The following SLC35F4 variants were observed in gnomAD, a reference collection of about 807,000 sequenced individuals.
The protein encoded by SLC35F4 is solute carrier family 35 member F4.
In SLC35F4, 24 loss-of-function variants were observed where a neutral mutation model predicts 44.2. The observed-to-expected ratio is 0.54, with a 90% CI of 0.39 to 0.76. The LOEUF is 0.76. SLC35F4 is among the 30% of genes least tolerant of loss of function. SLC35F4 has a pLI of 0.00. For synonymous variants in SLC35F4, 238 were observed against 223.6 expected, an observed-to-expected ratio of 1.06 and a Z score of -0.57; for missense variants, 562 against 586.1, an observed-to-expected ratio of 0.96 and a Z score of 0.42.
At chr14:57,800,550 G>A (rs2078166907) in intron 1 of SLC35F4, among the ~76,000 whole-genome samples, 1 of 152,100 alleles carries the variant, frequency 6.6e-6, no homozygotes, top group South Asian at 2.1e-4. Context: ...TTCAGAAGGG[G>A]GGTAATAACA....
chr14:57,754,850 AGT>A (rs1454557378), intron 1 of SLC35F4, among the ~76,000 whole-genome samples: 1 of 152,264 alleles, frequency 6.6e-6, no homozygotes, highest in Non-Finnish European at 1.5e-5. Context: ...ACTGATCAGC[AGT>A]GTGTCCTGAT....
intron 1 of SLC35F4, among the ~76,000 whole-genome samples, chr14:57,802,215 T>C (rs1057162120): frequency 3.9e-5 from 6 of 152,160 alleles, no homozygotes; most frequent in Non-Finnish European, 5.9e-5. Flanking sequence ...TTGAACAACC[T>C]ACTCCTGAAT....
chr14:57,869,436 T>A (rs1461119529), upstream of SLC35F4, among the ~76,000 whole-genome samples: 2 of 152,220 alleles, frequency 1.3e-5, no homozygotes, highest in Non-Finnish European at 2.9e-5. Flanking sequence ...GTACTTTAAT[T>A]AGCAGAAAGG....
chr14:57,806,430 C>T (rs1271319693), intron 1 of SLC35F4, among the ~76,000 whole-genome samples: 1 of 151,926 alleles, frequency 6.6e-6, no homozygotes. Context: ...ATATTGTGTC[C>T]CAAACACACA....
intron 1 of SLC35F4, among the ~76,000 whole-genome samples, chr14:57,958,198 C>T (rs1890276206): frequency 6.6e-6 from 1 of 152,082 alleles, no homozygotes; most frequent in South Asian, 2.1e-4. Flanking sequence ...GCTGGGACTA[C>T]AGGCGCCCGC....
At chr14:57,886,361 A>G (rs758601341) in intron 1 of SLC35F4, among the ~76,000 whole-genome samples, 1 of 152,170 alleles carries the variant, frequency 6.6e-6, no homozygotes, top group East Asian at 1.9e-4. Flanking sequence ...CTGGAGAAGA[A>G]TCTGCTTCCA....
intron 1 of SLC35F4, among the ~76,000 whole-genome samples, chr14:57,641,879 A>C (rs1465012463): frequency 6.6e-6 from 1 of 151,990 alleles, no homozygotes; most frequent in Non-Finnish European, 1.5e-5. Flanking sequence ...AGGTGGGTAT[A>C]AGTAACTTCT....
At chr14:57,772,545 T>C (rs1183139380) in intron 1 of SLC35F4, among the ~76,000 whole-genome samples, 1 of 152,110 alleles carries the variant, frequency 6.6e-6, no homozygotes, top group Non-Finnish European at 1.5e-5. Flanking sequence ...CCTTTTGGAG[T>C]CCCCAGTGTC....
intron 1 of SLC35F4, among the ~76,000 whole-genome samples, chr14:57,734,017 T>A (rs1235754457): frequency 1.3e-5 from 2 of 152,178 alleles, no homozygotes; most frequent in Non-Finnish European, 2.9e-5. Flanking sequence ...ATCCCTCAAT[T>A]CAAACCCCTT....
At chr14:57,821,263 A>G (rs8003503) in intron 1 of SLC35F4, among the ~76,000 whole-genome samples, 27,152 of 151,712 alleles carry the variant, frequency 0.18, 3,237 homozygotes, top group African/African-American at 0.34. Flanking sequence ...CACACAGACA[A>G]CTTCTTCCCA....
Position 57,597,734 on chromosome 14 carries a change from G to A in SLC35F4, c.104-3610C>T, listed in dbSNP as rs116494813. ...ATAGGCAATACAGTCAGAGGAAACC[G>A]TAGAAGCAAATAGTCAGAGGCATAA... On this transcript the variant is annotated intron_variant, in intron 1 of 7. Transcript: ENST00000556826. Among the ~76,000 whole-genome samples, 121 of 152,274 alleles carry A rather than the reference G, an allele frequency of 7.9e-4. 1 individual carries two copies. The highest frequency in any genetic ancestry group is 4.1e-3 in the East Asian group (21 of 5,176).
intron 4 of SLC35F4, among the ~76,000 whole-genome samples, chr14:57,577,014 A>T (rs1444134145): frequency 6.6e-6 from 1 of 152,144 alleles, no homozygotes; most frequent in East Asian, 1.9e-4. Flanking sequence ...AAGAGGGAGG[A>T]TGACTCCCAC....
intron 1 of SLC35F4, among the ~76,000 whole-genome samples, chr14:57,771,088 T>C (rs977975071): frequency 1.8e-4 from 27 of 152,196 alleles, no homozygotes; most frequent in African/African-American, 6.5e-4. Flanking sequence ...ACTGCTTTTT[T>C]AGCATAGATG....
At chr14:57,880,040 GGAAGGAAGGAAGGAAGGA>G (rs1566919961) in intron 1 of SLC35F4, among the ~76,000 whole-genome samples, 65 of 2,400 alleles carry the variant, frequency 0.027, no homozygotes, top group African/African-American at 0.048. Context: ...GAGGGAGGAA[GGAAGGAAGGAAGGAAGGA>G]AGGAAGGAAG....
chr14:57,661,859 G>T (rs114145562), intron 1 of SLC35F4, among the ~76,000 whole-genome samples: 7 of 152,118 alleles, frequency 4.6e-5, no homozygotes, highest in African/African-American at 1.4e-4. Flanking sequence ...AAGTTCCCAC[G>T]TAATAATGAC....
intron 1 of SLC35F4, among the ~76,000 whole-genome samples, chr14:57,786,272 A>G (rs757029719): frequency 1.3e-5 from 2 of 152,106 alleles, no homozygotes; most frequent in East Asian, 1.9e-4. Context: ...GATCCGCCCA[A>G]TGAGTGTCTG....
intron 1 of SLC35F4, among the ~76,000 whole-genome samples, chr14:57,961,996 T>C (rs1246676151): frequency 2.6e-5 from 4 of 152,146 alleles, no homozygotes; most frequent in Admixed American, 2.0e-4. Flanking sequence ...GCCCAGTAAA[T>C]ATTTTTGAAG....
chr14:57,751,772 A>G (rs969891140), intron 1 of SLC35F4, among the ~76,000 whole-genome samples: 4 of 152,218 alleles, frequency 2.6e-5, no homozygotes, highest in Non-Finnish European at 4.4e-5. Context: ...CTATGGTCAC[A>G]ATGAAAATAT....
At chr14:57,750,938 C>T (rs2076869409) in intron 1 of SLC35F4, among the ~76,000 whole-genome samples, 1 of 152,116 alleles carries the variant, frequency 6.6e-6, no homozygotes, top group Non-Finnish European at 1.5e-5. Flanking sequence ...TGTTAGTCAA[C>T]AAGGCTTTGG....
Sources: allele counts gnomAD v4.1 joint callset (sites outside exome capture counted in the v4.1 genomes callset), GRCh38; gene constraint gnomAD v4.1.1; transcripts MANE v1.5; gene names NCBI Gene and HGNC (gene_info 2026-07-23, HGNC 2026-07-21).